The following NOVA2 variants were observed in gnomAD, a reference collection of about 807,000 sequenced individuals.
The protein encoded by NOVA2 is RNA-binding protein Nova-2.
Under a neutral mutation model 22.5 loss-of-function variants are expected in NOVA2, and 9 were observed. The observed-to-expected ratio is 0.40, with a 90% CI of 0.24 to 0.70. The LOEUF is 0.70. NOVA2 is among the 30% of genes least tolerant of loss of function. The pLI is 0.38. For missense variants in NOVA2, 383 were observed against 682.8 expected (o/e 0.56, Z 4.89); for synonymous variants, 318 against 335.2 (o/e 0.95, Z 0.56).
intron 1 of NOVA2, among the ~76,000 whole-genome samples, chr19:45,963,218 A>T (rs2146424484): frequency 6.6e-6 from 1 of 152,046 alleles, no homozygotes; most frequent in African/African-American, 2.4e-5. Context: ...GTCTCTACTA[A>T]AAGTACAAAA....
intron 1 of NOVA2, among the ~76,000 whole-genome samples, chr19:45,963,374 C>T (rs964734916): frequency 2.0e-5 from 3 of 151,306 alleles, no homozygotes; most frequent in African/African-American, 7.3e-5. Context: ...CCCTTTGTGA[C>T]TTGGCCCCAC....
Position 45,939,581 on chromosome 19 carries a change from ACCTGGGC to A in NOVA2, c.*275_*281del. Reference sequence around the variant, plus strand: ...TGCAATATATACAGATATCACACAGACCTGGGCCCTGGGACAGGAAGGGTCAGGCCCA... The same window carrying A: ...TGCAATATATACAGATATCACACAGACCTGGGACAGGAAGGGTCAGGCCCA... On this transcript the variant is annotated 3_prime_UTR_variant, in exon 4 of 4. Transcript: ENST00000263257. 2.1e-6 allele frequency: 1 copy of A among 480,952 alleles called. No homozygotes were observed. Among genetic ancestry groups the A allele is most frequent in the Non-Finnish European group, 3.7e-6 (1 of 268,152 alleles). 29.8% of individuals were successfully genotyped at this position (480,952 alleles called of 1,614,324 possible).
At chr19:45,969,361 G>C (rs1241251173) in intron 1 of NOVA2, among the ~76,000 whole-genome samples, 1 of 151,754 alleles carries the variant, frequency 6.6e-6, no homozygotes, top group Admixed American at 6.6e-5. Flanking sequence ...CAAAGAATTA[G>C]TCAGGCTTGG....
At chr19:45,964,173 CTT>C (rs1968135410) in intron 1 of NOVA2, among the ~76,000 whole-genome samples, 4 of 123,286 alleles carry the variant, frequency 3.2e-5, no homozygotes, top group African/African-American at 1.2e-4. Context: ...TTTTCTTTTT[CTT>C]TTTCTTTTTT....
At chr19:45,958,199 T>G (rs1467522158) in intron 2 of NOVA2, among the ~76,000 whole-genome samples, 1 of 152,062 alleles carries the variant, frequency 6.6e-6, no homozygotes, top group Non-Finnish European at 1.5e-5. Flanking sequence ...GGTGCTTGCC[T>G]TTTTCTGCAT....
intron 3 of NOVA2, among the ~76,000 whole-genome samples, chr19:45,950,692 A>G (rs929871720): frequency 2.0e-5 from 3 of 152,192 alleles, no homozygotes; most frequent in Non-Finnish European, 4.4e-5. Flanking sequence ...AGAACTGTTG[A>G]AGTTTTAGAG....
Position 45,953,912 on chromosome 19 carries a change from C to T in NOVA2, c.264G>A (p.Thr88=), listed in dbSNP as rs146320241. Residue 88 remains threonine, a synonymous_variant, in exon 3 of 4, where the codon ACG becomes ACA. Transcript: ENST00000263257. ...TTERVCLVQG[T]AEALNAVHSF... is the part of the protein sequence containing the mutation. Reference sequence around the variant, plus strand: ...TGTGCACAGCATTCAAGGCCTCTGCCGTGCCCTGTACTAGGCATACCCGCT... The same window carrying T: ...TGTGCACAGCATTCAAGGCCTCTGCTGTGCCCTGTACTAGGCATACCCGCT... 8.6e-5 allele frequency: 139 copies of T among 1,614,150 alleles called. No individual in the cohort carries two copies. The highest frequency in any genetic ancestry group is 1.1e-4 in the Non-Finnish European group (126 of 1,180,016).
At position 45,940,163 on chromosome 19, in the gene NOVA2, G is replaced by C; in HGVS notation, c.1179C>G (p.Gly393=). Residue 393 remains glycine, a synonymous_variant, in exon 4 of 4, where the codon GGC becomes GGG. Coordinates refer to ENST00000263257, the MANE Select transcript of NOVA2 (RefSeq NM_002516.4). ...AAAAAAGAAG[G]FLTAEKLAAE... is the part of the protein sequence containing the mutation. The stretch of plus-strand genomic sequence containing the variant: ...CCGCCAGCTTCTCCGCCGTCAGGAA[G>C]CCCCCGGCCGCCCCGGCCGCGGCTG... The C allele has an allele frequency of 6.3e-7, 1 of 1,597,492 alleles. No individual in the cohort carries two copies.
rs149499619 is a variant in NOVA2 at position 45,946,689 on chromosome 19, T to C, written c.397-5744A>G. Reference sequence around the variant, plus strand: ...GAGATCGAGACCATCCTGGCTAACATGGTGAAACCCCATTTCTATGAAAAA... The same window carrying C: ...GAGATCGAGACCATCCTGGCTAACACGGTGAAACCCCATTTCTATGAAAAA... On this transcript the variant is annotated intron_variant, in intron 3 of 3. Transcript: ENST00000263257. 4.3e-3 allele frequency among the ~76,000 whole-genome samples: 656 copies of C among 152,006 alleles called. 7 individuals carry two copies. The highest frequency in any genetic ancestry group is 0.014 in the African/African-American group (577 of 41,452).
At chr19:45,942,282 C>T (rs996626700) in intron 3 of NOVA2, among the ~76,000 whole-genome samples, 16 of 152,108 alleles carry the variant, frequency 1.1e-4, no homozygotes, top group East Asian at 1.9e-4. Flanking sequence ...GTCATTAGGG[C>T]GGGCCCTAAT....
At chr19:45,965,113 G>A (rs950255732) in intron 1 of NOVA2, among the ~76,000 whole-genome samples, 8 of 152,146 alleles carry the variant, frequency 5.3e-5, no homozygotes, top group African/African-American at 1.7e-4. Flanking sequence ...ATGGACTCAC[G>A]GATATGTCCT....
intron 3 of NOVA2, among the ~76,000 whole-genome samples, chr19:45,946,472 A>C (rs1382523244): frequency 6.6e-6 from 1 of 152,226 alleles, no homozygotes; most frequent in Non-Finnish European, 1.5e-5. Flanking sequence ...AATAGTATAG[A>C]ATTAGCATTT....
intron 2 of NOVA2, among the ~76,000 whole-genome samples, chr19:45,959,775 T>C (rs975098658): frequency 1.1e-5 from 1 of 90,448 alleles, no homozygotes; most frequent in Non-Finnish European, 2.2e-5. Flanking sequence ...GAGGGAAAGA[T>C]AGGAGAGAGG....
Position 45,973,708 on chromosome 19 carries a change from G to A in NOVA2, c.-357C>T, listed in dbSNP as rs1415609708. Among the ~76,000 whole-genome samples, 1 of 149,374 alleles carries A rather than the reference G, an allele frequency of 6.7e-6. No individual in the cohort carries two copies. Reference sequence around the variant, plus strand: ...CTGACAGAGCCTGGAGAGCGGCCGTGAGCAGGATGGCAGGGCCGAGGGGGG... The same window carrying A: ...CTGACAGAGCCTGGAGAGCGGCCGTAAGCAGGATGGCAGGGCCGAGGGGGG... On this transcript the variant is annotated 5_prime_UTR_variant, in exon 1 of 4. Coordinates refer to ENST00000263257, the MANE Select transcript of NOVA2 (RefSeq NM_002516.4).
rs397946088 is a variant in NOVA2, at chr19:45,969,509, GAAAAAAAAAAAAAA to G, written c.85+3744_85+3757del. Among the ~76,000 whole-genome samples the G allele has an allele frequency of 1.4e-3, 57 of 40,560 alleles. No homozygotes were observed. The East Asian group carries it at 0.052, about 37-fold the overall frequency. 26.6% of individuals were successfully genotyped at this position (40,560 alleles called of 152,430 possible). On this transcript the variant is annotated intron_variant, in intron 1 of 3. Transcript: ENST00000263257. The stretch of plus-strand genomic sequence containing the variant: ...GGTGACAGAGTGAGACCCTGTCTCA[GAAAAAAAAAAAAAA>G]AAAAAAAAAAAAAAGAGGGATGTTA...
rs1021488832 is a variant in NOVA2, at chr19:45,933,827, C to T, written c.*6036G>A. On this transcript the variant is annotated 3_prime_UTR_variant, in exon 4 of 4. Coordinates refer to ENST00000263257, the MANE Select transcript of NOVA2 (RefSeq NM_002516.4). Reference sequence around the variant, plus strand: ...GTGTGGTGGGGGCTGGGGTGGGGGCCATGGAAGCTAATACATGGTGCACTA... The same window carrying T: ...GTGTGGTGGGGGCTGGGGTGGGGGCTATGGAAGCTAATACATGGTGCACTA... The T allele has an allele frequency of 2.2e-5, 3 of 137,194 alleles. No homozygotes were observed. The highest frequency in any genetic ancestry group is 8.3e-5 in the African/African-American group (3 of 36,182). The allele number at this position is 137,194 out of a possible 1,614,324, so 8.5% of individuals were successfully genotyped here. A position where few individuals can be genotyped will look rare whatever the true frequency, so the allele number is the denominator to read the frequency against.
rs1390853473 is a variant in NOVA2 at position 45,939,694 on chromosome 19, C to T, written c.*169G>A. 1.2e-6 allele frequency: 1 copy of T among 826,668 alleles called. No individual in the cohort carries two copies. Among genetic ancestry groups the T allele is most frequent in the African/African-American group, 1.7e-5 (1 of 57,864 alleles). The allele number at this position is 826,668 out of a possible 1,614,324, so 51.2% of individuals were successfully genotyped here. A position where few individuals can be genotyped will look rare whatever the true frequency, so the allele number is the denominator to read the frequency against. On this transcript the variant is annotated 3_prime_UTR_variant, in exon 4 of 4. Transcript: ENST00000263257. Reference sequence around the variant, plus strand: ...CTGAGCCCCCTTCCCAACCGTCACTCAATCCTGCCTATGACTACCAGAAGG... The same window carrying T: ...CTGAGCCCCCTTCCCAACCGTCACTTAATCCTGCCTATGACTACCAGAAGG...
At chr19:45,951,843 C>G (rs997688633) in intron 3 of NOVA2, among the ~76,000 whole-genome samples, 1 of 151,892 alleles carries the variant, frequency 6.6e-6, no homozygotes, top group African/African-American at 2.4e-5. Flanking sequence ...ATTTTAAAGT[C>G]AGTTGATCTA....
intron 2 of NOVA2, 112 bp from the exon 3 acceptor site, chr19:45,954,058 G>C: frequency 4.3e-6 from 5 of 1,165,828 alleles, no homozygotes; most frequent in Non-Finnish European, 5.0e-6. Context: ...GAGTGGACCT[G>C]ACTGATCACA....
Sources: gnomAD v4.1 joint callset for allele counts (sites outside exome capture counted in the v4.1 genomes callset) on GRCh38, gnomAD v4.1.1 for gene constraint, MANE v1.5 for transcripts, NCBI Gene and HGNC (gene_info 2026-07-23, HGNC 2026-07-21) for gene names.